The following PTPN4 variants were observed in gnomAD, a reference collection of about 807,000 sequenced individuals.
PTPN4 encodes the protein tyrosine-protein phosphatase non-receptor type 4.
Under a neutral mutation model 135.5 loss-of-function variants are expected in PTPN4, and 49 were observed. The observed-to-expected ratio is 0.36, with a 90% CI of 0.29 to 0.46. The LOEUF (loss-of-function observed/expected upper bound fraction) is 0.46, where lower values mean the gene tolerates loss of function less well. Ranked by LOEUF, PTPN4 falls within the 20% of genes least tolerant of loss-of-function variation. The probability of loss-of-function intolerance (pLI) is 1.00; values close to 1 mark genes in which losing one functional copy is unlikely to be tolerated. For synonymous variants in PTPN4, 333 were observed against 369.9 expected, an observed-to-expected ratio of 0.90 and a Z score of 1.14; for missense variants, 860 against 1,101.0, an observed-to-expected ratio of 0.78 and a Z score of 3.10.
intron 9 of PTPN4, among the ~76,000 whole-genome samples, chr2:119,887,213 G>T (rs1449904226): frequency 6.6e-6 from 1 of 152,276 alleles, no homozygotes; most frequent in East Asian, 1.9e-4. Context: ...AAGGGGCTGG[G>T]CATAATGTAT....
In PTPN4 at chr2:119,982,540, T is replaced by C. The variant is rs1278538274; in HGVS notation, c.*5470T>C. 1 of 152,208 alleles carries C rather than the reference T, an allele frequency of 6.6e-6. No individual in the cohort carries two copies. Among genetic ancestry groups the C allele is most frequent in the African/African-American group, 2.4e-5 (1 of 41,460 alleles). 9.4% of individuals were successfully genotyped at this position (152,208 alleles called of 1,614,324 possible). ...AGATATAATGTACATTCTTTTTCAT[T>C]TTGCTTTGCCTCTAGAATAGAAACT... is the stretch of plus-strand genomic sequence containing the variant. On this transcript the variant is annotated 3_prime_UTR_variant, in exon 27 of 27. Coordinates refer to ENST00000263708, the MANE Select transcript of PTPN4 (RefSeq NM_002830.4).
At chr2:119,958,528 A>G (rs1223767487) in intron 22 of PTPN4, among the ~76,000 whole-genome samples, 2 of 152,296 alleles carry the variant, frequency 1.3e-5, no homozygotes, top group Admixed American at 6.5e-5. Context: ...TTAGCTAAAT[A>G]CTAACCTCCA....
At chr2:119,975,147 C>T (rs1054104973) in intron 26 of PTPN4, among the ~76,000 whole-genome samples, 1 of 152,140 alleles carries the variant, frequency 6.6e-6, no homozygotes, top group African/African-American at 2.4e-5. Flanking sequence ...GAGTCTTGCT[C>T]TGTTGCCAGG....
chr2:119,963,706 A>G (rs1267307591), intron 24 of PTPN4, among the ~76,000 whole-genome samples: 1 of 152,258 alleles, frequency 6.6e-6, no homozygotes, highest in African/African-American at 2.4e-5. Flanking sequence ...TTTATGGGCT[A>G]GAGTCCATCA....
chr2:119,895,501 A>G (rs1252907694), intron 9 of PTPN4, among the ~76,000 whole-genome samples: 1 of 151,994 alleles, frequency 6.6e-6, no homozygotes, highest in Admixed American at 6.5e-5. Context: ...TAAGCTGGGC[A>G]TGGTGGTGGG....
intron 1 of PTPN4, among the ~76,000 whole-genome samples, chr2:119,783,323 A>G (rs548869301): frequency 2.0e-5 from 3 of 152,324 alleles, no homozygotes; most frequent in South Asian, 2.1e-4. Context: ...TGTCACCAAC[A>G]TACATGAGCA....
chr2:119,923,606 A>G (rs1464648453), intron 12 of PTPN4, among the ~76,000 whole-genome samples: 1 of 152,180 alleles, frequency 6.6e-6, no homozygotes, highest in Non-Finnish European at 1.5e-5. Flanking sequence ...TTAAGTAGTA[A>G]AATTCAGCAA....
At chr2:119,827,210 A>G (rs1374124892) in intron 2 of PTPN4, among the ~76,000 whole-genome samples, 5 of 152,184 alleles carry the variant, frequency 3.3e-5, no homozygotes, top group African/African-American at 7.2e-5. Context: ...TAATCACACA[A>G]TGGATAAATA....
chr2:119,870,671 C>T (rs962156330), intron 3 of PTPN4, among the ~76,000 whole-genome samples: 1 of 151,994 alleles, frequency 6.6e-6, no homozygotes, highest in East Asian at 1.9e-4. Flanking sequence ...CAATTTTTGT[C>T]TATATGAAAC....
intron 1 of PTPN4, among the ~76,000 whole-genome samples, chr2:119,775,338 ACT>A (rs1690815830): frequency 6.6e-6 from 1 of 151,532 alleles, no homozygotes. Context: ...CTGGACAATA[ACT>A]CTTTTTCTGG....
intron 1 of PTPN4, among the ~76,000 whole-genome samples, chr2:119,784,970 A>G (rs946648721): frequency 5.4e-4 from 82 of 152,040 alleles, no homozygotes; most frequent in Non-Finnish European, 1.1e-3. Context: ...GAGGAGGAAA[A>G]GAAACACCTC....
intron 2 of PTPN4, among the ~76,000 whole-genome samples, chr2:119,847,211 A>G (rs1677513166): frequency 6.8e-6 from 1 of 147,796 alleles, no homozygotes; most frequent in Non-Finnish European, 1.5e-5. Context: ...ATATATACAC[A>G]CATATGGTTT....
intron 9 of PTPN4, among the ~76,000 whole-genome samples, chr2:119,897,931 G>A (rs1558758176): frequency 6.6e-6 from 1 of 152,200 alleles, no homozygotes; most frequent in Non-Finnish European, 1.5e-5. Flanking sequence ...TTCCAAGTAC[G>A]ATCCACAGAC....
chr2:119,772,452 A>G (rs1444362133), intron 1 of PTPN4, among the ~76,000 whole-genome samples: 1 of 152,254 alleles, frequency 6.6e-6, no homozygotes, highest in Non-Finnish European at 1.5e-5. Flanking sequence ...TTTGGCAACC[A>G]AACTTGACTT....
intron 1 of PTPN4, among the ~76,000 whole-genome samples, chr2:119,794,076 G>A (rs973241256): frequency 6.6e-6 from 1 of 151,676 alleles, no homozygotes; most frequent in Admixed American, 6.6e-5. Flanking sequence ...TTGAACTCCT[G>A]GGCTCAAGCT....
Position 119,792,928 on chromosome 2 carries a change from A to G in PTPN4, c.-17-16909A>G, listed in dbSNP as rs185092199. Among the ~76,000 whole-genome samples, 1,117 of 152,348 alleles carry G rather than the reference A, an allele frequency of 7.3e-3. 4 individuals are homozygous for G. The highest frequency in any genetic ancestry group is 0.013 in the Non-Finnish European group (863 of 68,028). ...GGGTCACAGAGATCACATGCTTCAA[A>G]GGCAATAAAGTATCACGAGGCAAAT... On this transcript the variant is annotated intron_variant, in intron 1 of 26. Transcript: ENST00000263708.
intron 10 of PTPN4, among the ~76,000 whole-genome samples, chr2:119,906,990 A>T (rs1258922534): frequency 6.6e-6 from 1 of 152,192 alleles, no homozygotes; most frequent in Non-Finnish European, 1.5e-5. Flanking sequence ...TAATGTACAA[A>T]CATCTGTTAC....
chr2:119,955,666 G>T (rs1035947363), intron 20 of PTPN4, among the ~76,000 whole-genome samples: 6 of 152,092 alleles, frequency 3.9e-5, no homozygotes, highest in Non-Finnish European at 5.9e-5. Context: ...GGCCAGGTGT[G>T]GTGGCTCACG....
chr2:119,859,913 G>A (rs542739595), intron 2 of PTPN4, among the ~76,000 whole-genome samples: 13 of 152,180 alleles, frequency 8.5e-5, no homozygotes, highest in Admixed American at 2.0e-4. Flanking sequence ...GTCCTACCAC[G>A]TACCCTTATC....
Sources: allele counts gnomAD v4.1 joint callset (sites outside exome capture counted in the v4.1 genomes callset), GRCh38; gene constraint gnomAD v4.1.1; transcripts MANE v1.5; gene names NCBI Gene and HGNC (gene_info 2026-07-23, HGNC 2026-07-21).